Variants in CPNE4 observed in about 807,000 individuals in gnomAD.
CPNE4 encodes the protein copine 4.
Under a neutral mutation model 67.9 loss-of-function variants are expected in CPNE4, and 25 were observed. That is an observed-to-expected ratio of 0.37 (90% CI 0.27 to 0.51). The LOEUF (loss-of-function observed/expected upper bound fraction) is 0.51. Ranked by LOEUF, CPNE4 falls within the 20% of genes least tolerant of loss-of-function variation. CPNE4 has a pLI of 0.93. For missense variants in CPNE4, 464 were observed against 690.8 expected, an observed-to-expected ratio of 0.67 and a Z score of 3.68; for synonymous variants, 242 against 244.9, an observed-to-expected ratio of 0.99 and a Z score of 0.11.
At chr3:131,544,018 GGGGCCT>G (rs1300701743) in intron 14 of CPNE4, among the ~76,000 whole-genome samples, 1 of 152,188 alleles carries the variant, frequency 6.6e-6, no homozygotes, top group African/African-American at 2.4e-5. Flanking sequence ...AAAGTGCTCT[GGGGCCT>G]GGAGAAGGAT....
chr3:131,862,773 A>G (rs182663402), intron 2 of CPNE4, among the ~76,000 whole-genome samples: 19 of 152,114 alleles, frequency 1.2e-4, no homozygotes, highest in African/African-American at 4.3e-4. Context: ...TTTGTTACAT[A>G]TGTATACATG....
rs1308449546 is a variant in CPNE4 at position 131,587,554 on chromosome 3, C to T, written c.710G>A (p.Gly237Asp). 6.2e-7 allele frequency: 1 copy of T among 1,613,248 alleles called. No homozygotes were observed. Among genetic ancestry groups the T allele is most frequent in the South Asian group, 1.1e-5 (1 of 91,042 alleles). The part of the protein sequence containing the change: ...KCIVWDWDSN[G>D]KHDFIGEFTS... ...GAATTCTCCAATGAAGTCATGCTTGCCATTGGAGTCCCAGTCCCATACTAT... is the reference window on the plus strand; with the variant it reads ...GAATTCTCCAATGAAGTCATGCTTGTCATTGGAGTCCCAGTCCCATACTAT... The change falls in exon 8 of 16, where the codon GGC (glycine) becomes GAC (aspartate). Residue 237 changes from glycine to aspartate, a missense_variant. This residue lies in a region of CPNE4 where 6 missense variants were observed against 24.4 expected (regional missense o/e 0.25). Transcript: ENST00000429747.
At chr3:131,731,162 G>T (rs926503320) in intron 2 of CPNE4, among the ~76,000 whole-genome samples, 5 of 152,082 alleles carry the variant, frequency 3.3e-5, no homozygotes, top group African/African-American at 1.2e-4. Context: ...CAAGTAACAG[G>T]GCCTCTGGCA....
intron 2 of CPNE4, among the ~76,000 whole-genome samples, chr3:131,849,630 T>C (rs981255802): frequency 2.0e-5 from 3 of 152,068 alleles, no homozygotes; most frequent in African/African-American, 7.2e-5. Context: ...CCAAACGATA[T>C]CAGAAGGTAT....
intron 5 of CPNE4, among the ~76,000 whole-genome samples, chr3:131,690,311 A>G (rs1041438731): frequency 3.9e-5 from 6 of 152,214 alleles, no homozygotes; most frequent in African/African-American, 1.4e-4. Flanking sequence ...ACAATAACCA[A>G]AGAAGCATGG....
chr3:131,711,100 A>C (rs1482929070), intron 3 of CPNE4, among the ~76,000 whole-genome samples: 1 of 152,228 alleles, frequency 6.6e-6, no homozygotes, highest in African/African-American at 2.4e-5. Context: ...TTTGAAAGTG[A>C]GAGGGAACAG....
chr3:131,590,821 A>G (rs73874146), intron 7 of CPNE4, among the ~76,000 whole-genome samples: 3,846 of 152,322 alleles, frequency 0.025, 84 homozygotes, highest in African/African-American at 0.065. Flanking sequence ...AGTTCTAGTC[A>G]CAAAGGATAC....
chr3:131,796,782 A>T (rs1003958678), intron 2 of CPNE4, among the ~76,000 whole-genome samples: 1 of 152,138 alleles, frequency 6.6e-6, no homozygotes, highest in African/African-American at 2.4e-5. Flanking sequence ...CCTCCCACTC[A>T]AAGAGCATCA....
intron 2 of CPNE4, among the ~76,000 whole-genome samples, chr3:131,746,943 G>C (rs2082504496): frequency 6.6e-6 from 1 of 152,012 alleles, no homozygotes; most frequent in Non-Finnish European, 1.5e-5. Flanking sequence ...ATTTTCTCTT[G>C]ATTTTTTGGT....
intron 13 of CPNE4, among the ~76,000 whole-genome samples, chr3:131,550,926 A>G (rs914587713): frequency 2.6e-5 from 4 of 152,066 alleles, no homozygotes; most frequent in Admixed American, 1.3e-4. Context: ...ATACATCTTG[A>G]CTGTACATTT....
intron 1 of CPNE4, among the ~76,000 whole-genome samples, chr3:131,943,637 A>G (rs895214074): frequency 1.3e-5 from 2 of 151,992 alleles, no homozygotes; most frequent in African/African-American, 4.8e-5. Context: ...GACTCCTCTA[A>G]TGTGCTTCTT....
intron 2 of CPNE4, among the ~76,000 whole-genome samples, chr3:131,874,394 G>GT (rs1292818461): frequency 3.3e-5 from 5 of 152,152 alleles, no homozygotes; most frequent in African/African-American, 1.2e-4. Context: ...GGCCTCAGTT[G>GT]TTTCTTTGAC....
intron 1 of CPNE4, among the ~76,000 whole-genome samples, chr3:132,033,393 GTGTGTGTGTGTC>G (rs2074279318): frequency 2.4e-5 from 2 of 84,562 alleles, no homozygotes; most frequent in African/African-American, 7.8e-5. Flanking sequence ...GTGTGTGAGT[GTGTGTGTGTGTC>G]TGTGTGTGTG....
intron 5 of CPNE4, 130 bp downstream of exon 5, chr3:131,696,412 A>G (rs902412865): frequency 1.3e-6 from 1 of 746,890 alleles, no homozygotes; most frequent in Non-Finnish European, 2.3e-6. Context: ...TACTTTGTAG[A>G]CCTCTCTGAA....
chr3:131,635,897 C>T (rs1474300811), intron 7 of CPNE4, among the ~76,000 whole-genome samples: 3 of 127,810 alleles, frequency 2.3e-5, no homozygotes, highest in East Asian at 2.1e-4. Context: ...CCGGCTAAAA[C>T]GGTGAAACCC....
chr3:131,891,253 T>TTTTA (rs2088101857), intron 2 of CPNE4, among the ~76,000 whole-genome samples: 1 of 152,124 alleles, frequency 6.6e-6, no homozygotes, highest in African/African-American at 2.4e-5. Context: ...ATGAAGTTTT[T>TTTTA]TTTATAACAA....
chr3:131,691,757 T>C (rs568328831), intron 5 of CPNE4, among the ~76,000 whole-genome samples: 5 of 151,726 alleles, frequency 3.3e-5, no homozygotes, highest in African/African-American at 9.7e-5. Flanking sequence ...GAAGAAAAAA[T>C]TCATGAAGGC....
chr3:131,761,212 T>A (rs1441333889), intron 2 of CPNE4, among the ~76,000 whole-genome samples: 16 of 15,964 alleles, frequency 1.0e-3, no homozygotes, highest in South Asian at 4.2e-3. Flanking sequence ...ACTTCGTACT[T>A]TTTTTTTTTT....
At chr3:131,795,609 A>G (rs912833794) in intron 2 of CPNE4, among the ~76,000 whole-genome samples, 5 of 152,160 alleles carry the variant, frequency 3.3e-5, no homozygotes, top group Non-Finnish European at 7.3e-5. Flanking sequence ...ATAAGAGACC[A>G]CAGACTATGA....
Sources: allele counts gnomAD v4.1 joint callset (sites outside exome capture counted in the v4.1 genomes callset), GRCh38; gene constraint gnomAD v4.1.1; regional missense constraint gnomAD v4.1.1; transcripts MANE v1.5; gene names NCBI Gene and HGNC (gene_info 2026-07-23, HGNC 2026-07-21).